Variants in IQSEC1 observed in about 807,000 individuals in gnomAD.
The protein encoded by IQSEC1 is IQ motif and Sec7 domain ArfGEF 1.
A neutral mutation model predicts 91.0 loss-of-function variants in IQSEC1; 31 were observed. That is an observed-to-expected ratio of 0.34 (90% CI 0.26 to 0.46). The LOEUF (loss-of-function observed/expected upper bound fraction) is 0.46, where lower values mean the gene tolerates loss of function less well. Among genes scored for constraint, IQSEC1 ranks in the 20% least tolerant of loss-of-function variants. IQSEC1 has a pLI of 1.00. For missense variants in IQSEC1, 1,388 were observed against 1,575.6 expected (o/e 0.88, Z 2.02); for synonymous variants, 699 against 662.6 (o/e 1.05, Z -0.84).
At chr3:13,068,109 A>G (rs1705296169) in intron 1 of IQSEC1, among the ~76,000 whole-genome samples, 1 of 152,222 alleles carries the variant, frequency 6.6e-6, no homozygotes, top group Non-Finnish European at 1.5e-5. Flanking sequence ...AAAGATGCTG[A>G]CCATGGGCTG....
At chr3:13,045,630 G>A (rs1305928859) in intron 1 of IQSEC1, among the ~76,000 whole-genome samples, 1 of 152,242 alleles carries the variant, frequency 6.6e-6, no homozygotes, top group East Asian at 1.9e-4. Flanking sequence ...AGAACAAAGA[G>A]CCCCATCCAC....
intron 1 of IQSEC1, among the ~76,000 whole-genome samples, chr3:13,219,891 C>T (rs1300196849): frequency 2.0e-5 from 3 of 152,248 alleles, no homozygotes; most frequent in African/African-American, 7.2e-5. Flanking sequence ...CCACAATATC[C>T]AGAGAGTTTG....
chr3:13,105,162 G>C (rs886864452), intron 2 of IQSEC1, among the ~76,000 whole-genome samples: 2 of 152,110 alleles, frequency 1.3e-5, no homozygotes, highest in African/African-American at 4.8e-5. Flanking sequence ...AGCCCACAAG[G>C]AACCTCTACA....
chr3:13,095,995 C>T (rs188243292), intron 2 of IQSEC1, among the ~76,000 whole-genome samples: 165 of 152,320 alleles, frequency 1.1e-3, no homozygotes, highest in African/African-American at 3.7e-3. Context: ...GTCGTCCAAG[C>T]TCCATGGCTT....
chr3:13,156,014 T>G (rs1232138139), intron 2 of IQSEC1, among the ~76,000 whole-genome samples: 1 of 148,572 alleles, frequency 6.7e-6, no homozygotes, highest in Non-Finnish European at 1.5e-5. Flanking sequence ...AGGTCAGGAG[T>G]TCAAGACCAG....
At position 13,231,268 on chromosome 3, in the gene IQSEC1, CGT is replaced by C. The variant is rs374429929; in HGVS notation, c.272+51441_272+51442del. Among the ~76,000 whole-genome samples the C allele has an allele frequency of 4.6e-5, 7 of 152,188 alleles. No homozygotes were observed. In the East Asian group the frequency reaches 5.8e-4, roughly 13 times the overall value. On this transcript the variant is annotated intron_variant, in intron 1 of 15. Transcript: ENST00000648114. ...TCCATGAACTTTTTGAAGTCCCGTG[CGT>C]GTGTGTGTCTGTGTGTGTGCCCACG...
chr3:13,133,888 C>T (rs1221271412), intron 2 of IQSEC1, among the ~76,000 whole-genome samples: 3 of 152,178 alleles, frequency 2.0e-5, no homozygotes, highest in Non-Finnish European at 4.4e-5. Context: ...TTCCCCACCA[C>T]CGGGCCTGCA....
At chr3:13,056,558 C>T (rs910365278) in intron 1 of IQSEC1, among the ~76,000 whole-genome samples, 2 of 152,062 alleles carry the variant, frequency 1.3e-5, no homozygotes, top group African/African-American at 4.8e-5. Flanking sequence ...TGGAGACCTC[C>T]CCAAGCCTCC....
intron 2 of IQSEC1, among the ~76,000 whole-genome samples, chr3:13,138,309 C>A (rs144959027): frequency 1.5e-5 from 2 of 137,840 alleles, no homozygotes; most frequent in Non-Finnish European, 3.2e-5. Flanking sequence ...CCCTCCACTT[C>A]GGACCTGGGG....
chr3:13,176,256 C>T (rs918487515), intron 1 of IQSEC1, among the ~76,000 whole-genome samples: 1 of 152,184 alleles, frequency 6.6e-6, no homozygotes, highest in African/African-American at 2.4e-5. Context: ...CTTGCCTCAA[C>T]CTCAGGAGAG....
chr3:12,981,096 C>T (rs1418100012), intron 1 of IQSEC1, among the ~76,000 whole-genome samples: 2 of 152,190 alleles, frequency 1.3e-5, no homozygotes, highest in Admixed American at 6.5e-5. Context: ...AACGAGGCCC[C>T]ACAGCAGCCA....
chr3:13,159,013 T>C (rs774461081), intron 2 of IQSEC1, among the ~76,000 whole-genome samples: 1 of 152,108 alleles, frequency 6.6e-6, no homozygotes. Flanking sequence ...TGCACTTCAG[T>C]CAGCTCATGC....
intron 2 of IQSEC1, among the ~76,000 whole-genome samples, chr3:13,144,803 G>A (rs766874518): frequency 2.0e-5 from 3 of 152,176 alleles, no homozygotes; most frequent in Non-Finnish European, 2.9e-5. Flanking sequence ...GCTCTGCTGA[G>A]AAGGAACACA....
rs1050077416 is a variant in IQSEC1 at position 13,214,940 on chromosome 3, G to A, written c.273-50807C>T. ...AGTGAACGGATGAGTGGAATTTACT[G>A]CACCCATAAGTAGAATCTTGAGCCC... On this transcript the variant is annotated intron_variant, in intron 1 of 15. Transcript: ENST00000648114. This position sits in a 1 kb window ranked among gnomAD's most constrained non-coding sequence, Gnocchi z 4.5. Among the ~76,000 whole-genome samples the A allele has an allele frequency of 6.6e-6, 1 of 152,214 alleles. No individual in the cohort carries two copies. Among genetic ancestry groups the A allele is most frequent in the African/African-American group, 2.4e-5 (1 of 41,448 alleles).
rs758784102 is a variant in IQSEC1 at position 13,214,790 on chromosome 3, C to T, written c.273-50657G>A. Among the ~76,000 whole-genome samples the T allele has an allele frequency of 9.9e-5, 15 of 152,232 alleles. No individual in the cohort carries two copies. The highest frequency in any genetic ancestry group is 2.9e-4 in the African/African-American group (12 of 41,462). ...GTTTTCTGACCTTCCAGATGGTGTG[C>T]GGCACCTGGCATTCTGGAACTTCTC... On this transcript the variant is annotated intron_variant, in intron 1 of 15. Transcript: ENST00000648114. This position sits in a 1 kb window ranked among gnomAD's most constrained non-coding sequence, Gnocchi z 4.5.
chr3:13,087,766 G>GT (rs1705762993), intron 2 of IQSEC1, among the ~76,000 whole-genome samples: 1 of 152,222 alleles, frequency 6.6e-6, no homozygotes, highest in Non-Finnish European at 1.5e-5. Context: ...TGGAGGCTGG[G>GT]AAGTCTAAGG....
chr3:13,248,206 C>T (rs1406925143), intron 1 of IQSEC1, among the ~76,000 whole-genome samples: 1 of 152,192 alleles, frequency 6.6e-6, no homozygotes, highest in African/African-American at 2.4e-5. Context: ...ATTGTGTCCC[C>T]AAGGCCACTG....
At chr3:13,223,014 G>A (rs1694690328) in intron 1 of IQSEC1, among the ~76,000 whole-genome samples, 1 of 152,208 alleles carries the variant, frequency 6.6e-6, no homozygotes. Flanking sequence ...ATAACAAAAA[G>A]GGGTCTTTTG....
intron 8 of IQSEC1, among the ~76,000 whole-genome samples, chr3:12,914,283 G>A (rs1346847137): frequency 1.3e-5 from 2 of 152,304 alleles, no homozygotes; most frequent in Middle Eastern, 3.4e-3. Flanking sequence ...GCCTCAGGGC[G>A]AGGGATGAGC....
Sources: gnomAD v4.1 joint callset for allele counts (sites outside exome capture counted in the v4.1 genomes callset) on GRCh38, gnomAD v4.1.1 for gene constraint, Gnocchi (gnomAD v3.1) non-coding constraint, MANE v1.5 for transcripts, NCBI Gene and HGNC (gene_info 2026-07-23, HGNC 2026-07-21) for gene names.